Variants in PRKN observed in about 807,000 individuals in gnomAD.
PRKN encodes parkin RBR E3 ubiquitin protein ligase.
A neutral mutation model predicts 59.5 loss-of-function variants in PRKN; 56 were observed. The observed-to-expected ratio is 0.94, with a 90% confidence interval of 0.76 to 1.18. The LOEUF (loss-of-function observed/expected upper bound fraction) is 1.18. Ranked by LOEUF, PRKN falls within the 50% of genes most tolerant of loss-of-function variation. PRKN has a pLI of 0.00. For missense variants in PRKN, 657 were observed against 596.4 expected (o/e 1.10, Z -1.06); for synonymous variants, 250 against 222.1 (o/e 1.13, Z -1.12).
intron 4 of PRKN, among the ~76,000 whole-genome samples, chr6:162,096,444 C>T (rs1426516275): frequency 6.6e-6 from 1 of 152,164 alleles, no homozygotes; most frequent in Non-Finnish European, 1.5e-5. Flanking sequence ...CAAAGCACTC[C>T]TATTTCAAGG....
In PRKN at chr6:161,968,209, T is replaced by G. The variant is rs113547406; in HGVS notation, c.734+5093A>C. Among the ~76,000 whole-genome samples, 238 of 132,598 alleles carry G rather than the reference T, an allele frequency of 1.8e-3. 1 individual carries two copies. The highest frequency in any genetic ancestry group is 6.4e-3 in the African/African-American group (219 of 33,972). The allele number at this position is 132,598 out of a possible 152,430, so 87.0% of individuals were successfully genotyped here. On this transcript the variant is annotated intron_variant, in intron 6 of 11. Transcript: ENST00000366898. ...CTAATTTTTTTTTTTTTTTTTTTTTTGTATTATTAGTAGAGATGGGATTTC... is the reference window on the plus strand; with the variant it reads ...CTAATTTTTTTTTTTTTTTTTTTTTGGTATTATTAGTAGAGATGGGATTTC...
chr6:162,657,920 C>T (rs1426246963), intron 1 of PRKN, among the ~76,000 whole-genome samples: 1 of 152,080 alleles, frequency 6.6e-6, no homozygotes, highest in Non-Finnish European at 1.5e-5. Context: ...GACATCTCTG[C>T]CTCAGAGGAT....
At chr6:161,712,627 C>T (rs1786795089) in intron 7 of PRKN, among the ~76,000 whole-genome samples, 1 of 151,952 alleles carries the variant, frequency 6.6e-6, no homozygotes, top group Admixed American at 6.6e-5. Context: ...AATTTACTTC[C>T]ATATGGATCT....
chr6:161,599,776 T>A (rs1054897998), intron 7 of PRKN, among the ~76,000 whole-genome samples: 1 of 152,226 alleles, frequency 6.6e-6, no homozygotes, highest in African/African-American at 2.4e-5. Context: ...GTTTTCTATT[T>A]CTCATTTGTT....
chr6:161,898,338 G>A (rs966240591), intron 6 of PRKN, among the ~76,000 whole-genome samples: 4 of 152,154 alleles, frequency 2.6e-5, no homozygotes, highest in Non-Finnish European at 4.4e-5. Context: ...TGAGCTACAG[G>A]TTCTAGGGAA....
At chr6:162,727,512 C>A in intron 1 of PRKN, 150 bp downstream of exon 1, 1 of 859,114 alleles carries the variant, frequency 1.2e-6, no homozygotes. Flanking sequence ...AGCTGGGGAG[C>A]CCGGCGGCGC....
intron 3 of PRKN, among the ~76,000 whole-genome samples, chr6:162,253,010 G>A (rs1041163012): frequency 2.0e-5 from 3 of 152,204 alleles, no homozygotes; most frequent in African/African-American, 4.8e-5. Context: ...CTGCTTCCTG[G>A]AGCCTGCCTT....
Position 161,360,098 on chromosome 6 carries a change from C to G in PRKN, c.1275G>C (p.Val425=), listed in dbSNP as rs1784915507. The change falls in exon 11 of 12, where the codon GTG becomes GTC. Residue 425 remains valine (V), a synonymous_variant. Coordinates refer to ENST00000366898, the MANE Select transcript of PRKN (RefSeq NM_004562.3). This position sits in a 1 kb window ranked among gnomAD's most constrained non-coding sequence, Gnocchi z 5.1. ...TCAGCACAGACTCACCATTTTTTTC[C>G]ACTGGTACATGGCAGCGGGGACAGG... The part of the protein sequence containing the change: ...TKPCPRCHVP[V]EKNGGCMHMK... 1 of 1,612,376 alleles carries G rather than the reference C, an allele frequency of 6.2e-7. No homozygotes were observed. The highest frequency in any genetic ancestry group is 1.3e-5 in the African/African-American group (1 of 74,870).
rs1329897931 is a variant in PRKN, at chr6:161,371,643, A to G, written c.1168-11438T>C. Among the ~76,000 whole-genome samples, 2 of 151,220 alleles carry G rather than the reference A, an allele frequency of 1.3e-5. No individual in the cohort carries two copies. Among genetic ancestry groups the G allele is most frequent in the African/African-American group, 4.9e-5 (2 of 41,102 alleles). On this transcript the variant is annotated intron_variant, in intron 10 of 11. Coordinates refer to ENST00000366898, the MANE Select transcript of PRKN (RefSeq NM_004562.3). The surrounding 1 kb of genome is among the most constrained non-coding windows in gnomAD (Gnocchi z 5.5). ...TTCAGAAGGGCATTTGTTTTTATTT[A>G]TTTATCTATTTTTGAGACGGAGTTT... is the stretch of plus-strand genomic sequence containing the variant.
intron 7 of PRKN, among the ~76,000 whole-genome samples, chr6:161,695,576 C>A (rs971566115): frequency 2.6e-5 from 4 of 152,116 alleles, no homozygotes; most frequent in African/African-American, 9.7e-5. Context: ...GCATTTTGAG[C>A]CTTAACTCCA....
At chr6:162,181,969 T>C (rs1783821471) in intron 4 of PRKN, among the ~76,000 whole-genome samples, 1 of 152,214 alleles carries the variant, frequency 6.6e-6, no homozygotes, top group Non-Finnish European at 1.5e-5. Context: ...TCAGATATTG[T>C]ACTGACTCAT....
At chr6:162,292,770 G>A (rs1311069419) in intron 2 of PRKN, among the ~76,000 whole-genome samples, 1 of 152,136 alleles carries the variant, frequency 6.6e-6, no homozygotes, top group African/African-American at 2.4e-5. Context: ...ATGGAGATGG[G>A]GAGGGGGATA....
At chr6:162,351,034 A>T (rs1433597614) in intron 2 of PRKN, among the ~76,000 whole-genome samples, 2 of 152,060 alleles carry the variant, frequency 1.3e-5, no homozygotes, top group African/African-American at 4.8e-5. Context: ...AAATAAAAAA[A>T]TAATAAAAAT....
At chr6:162,393,280 C>A (rs977132416) in intron 2 of PRKN, among the ~76,000 whole-genome samples, 5 of 149,722 alleles carry the variant, frequency 3.3e-5, no homozygotes, top group Admixed American at 1.3e-4. Context: ...CTTTCTCAGT[C>A]CCCTGAGTGG....
At chr6:161,811,639 G>T (rs1791565331) in intron 6 of PRKN, among the ~76,000 whole-genome samples, 1 of 152,174 alleles carries the variant, frequency 6.6e-6, no homozygotes, top group Non-Finnish European at 1.5e-5. Context: ...TCTTCTAGAA[G>T]GGGCCGGGCA....
intron 8 of PRKN, among the ~76,000 whole-genome samples, chr6:161,564,022 T>TA (rs200149370): frequency 0.016 from 2,387 of 152,244 alleles, 76 homozygotes; most frequent in African/African-American, 0.054. Context: ...AAAGCTAAGT[T>TA]AGAGAAACAA....
At chr6:161,634,155 G>A (rs1461061597) in intron 7 of PRKN, among the ~76,000 whole-genome samples, 2 of 152,192 alleles carry the variant, frequency 1.3e-5, no homozygotes, top group African/African-American at 4.8e-5. Context: ...AGAAACGGAT[G>A]CCTGTGGCAA....
Position 161,594,032 on chromosome 6 carries a change from G to A in PRKN, c.872-24616C>T, listed in dbSNP as rs951379114. On this transcript the variant is annotated intron_variant, in intron 7 of 11. Transcript: ENST00000366898. Reference sequence around the variant, plus strand: ...CAAAAACCCAGCAGGGTATGGTGGCGCATGCCTGTAATCCCAGCTACTTGA... The same window carrying A: ...CAAAAACCCAGCAGGGTATGGTGGCACATGCCTGTAATCCCAGCTACTTGA... Among the ~76,000 whole-genome samples the A allele has an allele frequency of 2.0e-4, 31 of 151,702 alleles. No individual in the cohort carries two copies. The East Asian group carries it at 3.7e-3, about 18-fold the overall frequency.
At chr6:162,566,770 C>T (rs1032790419) in intron 1 of PRKN, among the ~76,000 whole-genome samples, 2 of 152,232 alleles carry the variant, frequency 1.3e-5, no homozygotes, top group East Asian at 3.9e-4. Context: ...GGGAATACTT[C>T]CAAACTTGTT....
Sources: gnomAD v4.1 joint callset for allele counts (sites outside exome capture counted in the v4.1 genomes callset) on GRCh38, gnomAD v4.1.1 for gene constraint, Gnocchi (gnomAD v3.1) non-coding constraint, MANE v1.5 for transcripts, NCBI Gene and HGNC (gene_info 2026-07-23, HGNC 2026-07-21) for gene names.